PI4K2A: variants seen among roughly 807,000 people sequenced by gnomAD.
PI4K2A encodes phosphatidylinositol 4-kinase type 2 alpha.
In PI4K2A, 20 loss-of-function variants were observed where a neutral mutation model predicts 55.0. That is an observed-to-expected ratio of 0.36 (90% CI 0.26 to 0.53). The LOEUF (loss-of-function observed/expected upper bound fraction) is 0.53. PI4K2A is among the 20% of genes least tolerant of loss of function. The probability of loss-of-function intolerance (pLI) is 0.91; values close to 1 mark genes in which losing one functional copy is unlikely to be tolerated. For synonymous variants in PI4K2A, 235 were observed against 258.5 expected (o/e 0.91, Z 0.87); for missense variants, 463 against 637.1 (o/e 0.73, Z 2.94).
Position 97,656,268 on chromosome 10 carries a change from C to CA in PI4K2A, c.637-17_637-16insA. ...AAACTTGACTCTAACCTTAGTATCT[C>CA]TTCTCTTTCACTGTAGGTAGTATAC... On this transcript the variant is annotated splice_polypyrimidine_tract_variant and intron_variant, in intron 2 of 8. Coordinates refer to ENST00000370631, the Ensembl canonical transcript of PI4K2A. The surrounding 1 kb of genome is among the most constrained non-coding windows in gnomAD (Gnocchi z 4.5). 6.2e-7 allele frequency: 1 copy of CA among 1,609,176 alleles called. No homozygotes were observed. Among genetic ancestry groups the CA allele is most frequent in the Non-Finnish European group, 8.5e-7 (1 of 1,175,818 alleles).
At chr10:97,669,797 G>A (rs1347684063) in intron 8 of PI4K2A, among the ~76,000 whole-genome samples, 1 of 149,496 alleles carries the variant, frequency 6.7e-6, no homozygotes, top group Non-Finnish European at 1.5e-5. Flanking sequence ...AGAGTGAAGA[G>A]GCCCCACAGG....
At chr10:97,651,095 G>C in exon 2 of PI4K2A, 2 of 1,613,804 alleles carry the variant, frequency 1.2e-6, no homozygotes, top group Non-Finnish European at 8.5e-7. Context: ...GCAGGGGCCA[G>C]CCTGGTGGAC....
Position 97,642,884 on chromosome 10 carries a change from TCTTCCTTCCTTCCTTC to T in PI4K2A, c.435+1735_435+1750del, listed in dbSNP as rs1246613020. ...CTTTCTTTTTCTTTCTTTCTTTCTT[TCTTCCTTCCTTCCTTC>T]CTTCCTTCCTTCCTTCCTTCCTTCC... On this transcript the variant is annotated intron_variant, in intron 1 of 8. Coordinates refer to ENST00000370631, the Ensembl canonical transcript of PI4K2A. Among the ~76,000 whole-genome samples the T allele has an allele frequency of 7.2e-5, 7 of 96,884 alleles. No individual in the cohort carries two copies. The East Asian group carries it at 8.0e-4, about 11-fold the overall frequency. The allele number at this position is 96,884 out of a possible 152,430, so 63.6% of individuals were successfully genotyped here.
At chr10:97,668,418 A>G (rs778688759) in intron 8 of PI4K2A, among the ~76,000 whole-genome samples, 1 of 152,132 alleles carries the variant, frequency 6.6e-6, no homozygotes, top group Non-Finnish European at 1.5e-5. Context: ...TCTCTACAAA[A>G]AACACAAAAA....
exon 8 of PI4K2A, chr10:97,667,087 G>C (rs764712366): frequency 6.2e-7 from 1 of 1,613,886 alleles, no homozygotes; most frequent in East Asian, 2.2e-5. Flanking sequence ...ACAGGGGCCA[G>C]TTCCATAAGC....
At chr10:97,667,681 G>A (rs373816675) in intron 8 of PI4K2A, among the ~76,000 whole-genome samples, 45 of 152,262 alleles carry the variant, frequency 3.0e-4, no homozygotes, top group African/African-American at 1.1e-3. Context: ...TAATTCATTG[G>A]TAATTAAACT....
intron 2 of PI4K2A, among the ~76,000 whole-genome samples, chr10:97,653,535 G>A (rs570795915): frequency 1.8e-4 from 28 of 152,182 alleles, no homozygotes; most frequent in Non-Finnish European, 3.2e-4. Flanking sequence ...AATCCCTTTC[G>A]TCCCTATCTT....
chr10:97,642,691 A>G (rs187748268), intron 1 of PI4K2A, among the ~76,000 whole-genome samples: 9 of 151,944 alleles, frequency 5.9e-5, no homozygotes, highest in African/African-American at 2.2e-4. Flanking sequence ...CCGGCCTCCA[A>G]GTTTCTTAAA....
At chr10:97,648,048 G>A (rs912812036) in intron 1 of PI4K2A, among the ~76,000 whole-genome samples, 1 of 150,718 alleles carries the variant, frequency 6.6e-6, no homozygotes, top group African/African-American at 2.4e-5. Context: ...GATTCTCCCC[G>A]CCGAGTAGCT....
chr10:97,667,031 G>A (rs1403766739), intron 7 of PI4K2A, 30 bp from the exon 8 acceptor site: 2 of 1,593,572 alleles, frequency 1.3e-6, no homozygotes, highest in Non-Finnish European at 1.7e-6. Flanking sequence ...ATTCACACAG[G>A]TTCCATCTCC....
chr10:97,655,054 C>A (rs373362715), intron 2 of PI4K2A, among the ~76,000 whole-genome samples: 3 of 152,054 alleles, frequency 2.0e-5, no homozygotes, highest in African/African-American at 7.2e-5. Flanking sequence ...GTTTTGAATA[C>A]GAATAATTTC....
chr10:97,665,765 G>A (rs1249501289), intron 6 of PI4K2A, among the ~76,000 whole-genome samples: 1 of 151,718 alleles, frequency 6.6e-6, no homozygotes, highest in African/African-American at 2.4e-5. Context: ...GCTAATTTTT[G>A]TATTTTTAGT....
chr10:97,661,375 CT>C (rs35506472), intron 4 of PI4K2A, among the ~76,000 whole-genome samples: 40,910 of 146,108 alleles, frequency 0.28, 6,421 homozygotes, highest in African/African-American at 0.42. Context: ...GAGATAAAGA[CT>C]TTTTTTTTTT....
chr10:97,649,609 ATTTTTTT>A (rs60329004), intron 1 of PI4K2A, among the ~76,000 whole-genome samples: 96 of 70,532 alleles, frequency 1.4e-3, no homozygotes, highest in Admixed American at 2.6e-3. Context: ...TCCATAATAG[ATTTTTTT>A]TTTTTTTTTT....
intron 5 of PI4K2A, 130 bp downstream of exon 5, chr10:97,663,098 G>T: frequency 6.1e-6 from 4 of 659,966 alleles, no homozygotes; most frequent in South Asian, 3.5e-5. Flanking sequence ...AAAATTAATA[G>T]GTTAATATTT....
chr10:97,672,192 G>A (rs2041638962), intron 8 of PI4K2A, among the ~76,000 whole-genome samples: 2 of 151,894 alleles, frequency 1.3e-5, no homozygotes, highest in Middle Eastern at 3.4e-3. Context: ...ACAGGCATGC[G>A]CCACCATGCC....
chr10:97,649,799 TTTTTA>T (rs1469772402), intron 1 of PI4K2A, among the ~76,000 whole-genome samples: 1 of 151,712 alleles, frequency 6.6e-6, no homozygotes, highest in Non-Finnish European at 1.5e-5. Flanking sequence ...AATTTTTGTA[TTTTTA>T]GTAGAGACAG....
intron 6 of PI4K2A, among the ~76,000 whole-genome samples, chr10:97,665,883 G>A (rs1460948312): frequency 2.0e-5 from 3 of 152,120 alleles, no homozygotes; most frequent in Non-Finnish European, 4.4e-5. Flanking sequence ...GAGCCACTGC[G>A]CCCGGCCCTT....
intron 1 of PI4K2A, among the ~76,000 whole-genome samples, chr10:97,646,310 G>T (rs926726798): frequency 7.9e-5 from 12 of 151,782 alleles, no homozygotes; most frequent in Admixed American, 7.2e-4. Flanking sequence ...TGCCTCCTGG[G>T]TTCAAGCAAT....
Sources: allele counts gnomAD v4.1 joint callset (sites outside exome capture counted in the v4.1 genomes callset), GRCh38; gene constraint gnomAD v4.1.1; non-coding constraint Gnocchi (gnomAD v3.1); transcripts MANE v1.5; gene names NCBI Gene and HGNC (gene_info 2026-07-23, HGNC 2026-07-21).